The following ADCY9 variants were observed in gnomAD, a reference collection of about 807,000 sequenced individuals.
ADCY9 encodes adenylate cyclase type 9.
Under a neutral mutation model 101.5 loss-of-function variants are expected in ADCY9, and 50 were observed. That is an observed-to-expected ratio of 0.49 (90% CI 0.39 to 0.62). The LOEUF (loss-of-function observed/expected upper bound fraction) is 0.62, where lower values mean the gene tolerates loss of function less well. Ranked by LOEUF, ADCY9 falls within the 20% of genes least tolerant of loss-of-function variation. The probability of loss-of-function intolerance (pLI) is 0.00; values close to 1 mark genes in which losing one functional copy is unlikely to be tolerated. For synonymous variants in ADCY9, 905 were observed against 769.3 expected, an observed-to-expected ratio of 1.18 and a Z score of -2.92; for missense variants, 1,662 against 1,800.4, an observed-to-expected ratio of 0.92 and a Z score of 1.39.
intron 2 of ADCY9, among the ~76,000 whole-genome samples, chr16:4,039,571 C>T (rs759443920): frequency 1.2e-4 from 18 of 150,638 alleles, no homozygotes; most frequent in South Asian, 2.1e-4. Flanking sequence ...CTCAACTACT[C>T]GGGACGCTGA....
chr16:4,087,570 C>G (rs985828428), intron 2 of ADCY9, among the ~76,000 whole-genome samples: 14 of 142,502 alleles, frequency 9.8e-5, no homozygotes, highest in Non-Finnish European at 1.2e-4. Context: ...AAAAGAAGAA[C>G]AACAACAGCT....
In ADCY9 at chr16:3,977,756, G is replaced by A. The variant is rs1362291668; in HGVS notation, c.2680-126C>T. 2.1e-5 allele frequency: 26 copies of A among 1,237,558 alleles called. 1 individual carries two copies. The highest frequency in any genetic ancestry group is 6.1e-5 in the African/African-American group (4 of 65,778). The allele number at this position is 1,237,558 out of a possible 1,614,324, so 76.7% of individuals were successfully genotyped here. A position where few individuals can be genotyped will look rare whatever the true frequency, so the allele number is the denominator to read the frequency against. On this transcript the variant is annotated intron_variant, in intron 8 of 10. Transcript: ENST00000294016. ...TTTTTTGACTGAGTCTCACTCTGTCGCCCAGGCTGGAGTGCAGTGGTGCAA... is the reference window on the plus strand; with the variant it reads ...TTTTTTGACTGAGTCTCACTCTGTCACCCAGGCTGGAGTGCAGTGGTGCAA...
chr16:3,954,035 G>C (rs371833382), intron 5 of ADCY9, among the ~76,000 whole-genome samples: 1 of 152,178 alleles, frequency 6.6e-6, no homozygotes, highest in Non-Finnish European at 1.5e-5. Flanking sequence ...AACTGACTCA[G>C]GATTTCACAG....
At chr16:4,037,923 T>C (rs1183009347) in intron 2 of ADCY9, among the ~76,000 whole-genome samples, 1 of 152,192 alleles carries the variant, frequency 6.6e-6, no homozygotes, top group Non-Finnish European at 1.5e-5. Flanking sequence ...CTATGTGCTA[T>C]GGTCTAAATG....
At chr16:3,998,694 G>A (rs1450878228) in intron 3 of ADCY9, among the ~76,000 whole-genome samples, 2 of 31,628 alleles carry the variant, frequency 6.3e-5, no homozygotes, top group African/African-American at 2.8e-4. Context: ...GGGCAAAAGA[G>A]CAAAACTCTG....
intron 5 of ADCY9, among the ~76,000 whole-genome samples, chr16:3,956,059 C>T (rs566328692): frequency 6.6e-6 from 1 of 151,958 alleles, no homozygotes; most frequent in East Asian, 1.9e-4. Flanking sequence ...GAAAAAATTT[C>T]TACAAGATTT....
chr16:4,079,656 G>C (rs540080052), intron 2 of ADCY9, among the ~76,000 whole-genome samples: 1 of 152,112 alleles, frequency 6.6e-6, no homozygotes. Context: ...GTGTTTAATG[G>C]TGTTAATGGT....
chr16:4,110,451 A>T (rs1239350259), intron 2 of ADCY9, among the ~76,000 whole-genome samples: 1 of 138,752 alleles, frequency 7.2e-6, no homozygotes, highest in Non-Finnish European at 1.5e-5. Flanking sequence ...TGCAGTGGAC[A>T]TGATCACAGC....
Position 3,963,130 on chromosome 16 carries a change from A to ATG in ADCY9, c.*2644_*2645insCA, listed in dbSNP as rs2055953139. On this transcript the variant is annotated 3_prime_UTR_variant, in exon 11 of 11. Transcript: ENST00000294016. ...TATATATATATATATATATATATAT[A>ATG]TATATATATATATGGATATATAATT... The ATG allele has an allele frequency of 1.9e-5, 3 of 155,914 alleles. No homozygotes were observed. The highest frequency in any genetic ancestry group is 8.0e-5 in the African/African-American group (3 of 37,432). 9.7% of individuals were successfully genotyped at this position (155,914 alleles called of 1,614,324 possible).
rs1597236177 is a variant in ADCY9 at position 4,113,840 on chromosome 16, T to C, written c.1603A>G (p.Thr535Ala). Residue 535 changes from threonine (T) to alanine (A), a missense_variant, in exon 2 of 11, where the codon ACC becomes GCC. Around this residue, in one of 5 missense-constraint regions of ADCY9, gnomAD observed 624 missense variants for 639.1 expected, o/e 0.98. Transcript: ENST00000294016. ...VAGKVHISEATAKYLDDRYEM... is the reference protein window; with the variant it reads ...VAGKVHISEAAAKYLDDRYEM... ...TACCGGTCATCTAAGTATTTTGCGG[T>C]GGCCTCAGAAATGTGAACTTTGCCG... 1 of 1,614,202 alleles carries C rather than the reference T, an allele frequency of 6.2e-7. No homozygotes were observed. Among genetic ancestry groups the C allele is most frequent in the Non-Finnish European group, 8.5e-7 (1 of 1,180,036 alleles).
Position 4,115,837 on chromosome 16 carries a change from C to G in ADCY9, c.-191G>C, listed in dbSNP as rs1438252428. 6 of 401,974 alleles carry G rather than the reference C, an allele frequency of 1.5e-5. No individual in the cohort carries two copies. Among genetic ancestry groups the G allele is most frequent in the East Asian group, 3.6e-5 (1 of 28,016 alleles). The allele number at this position is 401,974 out of a possible 1,614,324, so 24.9% of individuals were successfully genotyped here. A position where few individuals can be genotyped will look rare whatever the true frequency, so the allele number is the denominator to read the frequency against. ...CGCTCGCCTCCTCCAGCTGCGGCTC[C>G]GGAGGGAAGTTCAGACCTTGAGCGC... On this transcript the variant is annotated 5_prime_UTR_variant, in exon 1 of 11. Coordinates refer to ENST00000294016, the MANE Select transcript of ADCY9 (RefSeq NM_001116.4). The surrounding 1 kb of genome is among the most constrained non-coding windows in gnomAD (Gnocchi z 6.2).
At position 3,966,055 on chromosome 16, in the gene ADCY9, T is replaced by G; in HGVS notation, c.3782A>C (p.Asp1261Ala). 6.2e-7 allele frequency: 1 copy of G among 1,614,226 alleles called. No homozygotes were observed. Among genetic ancestry groups the G allele is most frequent in the Non-Finnish European group, 8.5e-7 (1 of 1,180,036 alleles). Residue 1261 changes from aspartate (D) to alanine (A), a missense_variant, in exon 11 of 11, where the codon GAC (aspartate) becomes GCC (alanine). By Grantham distance (126) the Asp-to-Ala change is moderately radical. Coordinates refer to ENST00000294016, the MANE Select transcript of ADCY9 (RefSeq NM_001116.4). ...IPQHQLSISP[D>A]IRVQVDGSIG... ...GCTGCCATCCACCTGGACGCGGATGTCTGGGGAGATGGACAGCTGGTGCTG... is the reference window on the plus strand; with the variant it reads ...GCTGCCATCCACCTGGACGCGGATGGCTGGGGAGATGGACAGCTGGTGCTG...
At chr16:3,981,385 A>C (rs1010725828) in intron 7 of ADCY9, among the ~76,000 whole-genome samples, 1 of 151,450 alleles carries the variant, frequency 6.6e-6, no homozygotes, top group East Asian at 1.9e-4. Context: ...ACAGCTACCC[A>C]CATTAGAGGA....
intron 2 of ADCY9, among the ~76,000 whole-genome samples, chr16:4,049,987 C>T (rs1167105451): frequency 2.0e-5 from 3 of 151,250 alleles, no homozygotes; most frequent in African/African-American, 7.3e-5. Context: ...GCCGAGATCA[C>T]ACCACTATAC....
chr16:4,016,060 G>T (rs2283497), intron 2 of ADCY9, among the ~76,000 whole-genome samples: 64,809 of 151,850 alleles, frequency 0.43, 14,153 homozygotes, highest in Admixed American at 0.51. Context: ...AGTTGATTCA[G>T]GTAAACAGGG....
At chr16:4,111,768 T>C (rs1161917408) in intron 2 of ADCY9, among the ~76,000 whole-genome samples, 23 of 150,782 alleles carry the variant, frequency 1.5e-4, no homozygotes, top group Non-Finnish European at 1.5e-5. Flanking sequence ...ATATACAATG[T>C]ACACAAATGT....
At position 4,115,669 on chromosome 16, in the gene ADCY9, C is replaced by A. The variant is rs1233970453; in HGVS notation, c.-44+21G>T. 8.6e-6 allele frequency: 5 copies of A among 578,172 alleles called. No homozygotes were observed. The highest frequency in any genetic ancestry group is 2.7e-5 in the South Asian group (1 of 36,500). The allele number at this position is 578,172 out of a possible 1,614,324, so 35.8% of individuals were successfully genotyped here. Reference sequence around the variant, plus strand: ...CCACCGCCCCCACCTTCGAGGCGCACGAGAACCGCTCGGGACGGACCTAGA... The same window carrying A: ...CCACCGCCCCCACCTTCGAGGCGCAAGAGAACCGCTCGGGACGGACCTAGA... On this transcript the variant is annotated intron_variant, in intron 1 of 10. Transcript: ENST00000294016. The surrounding 1 kb of genome is among the most constrained non-coding windows in gnomAD (Gnocchi z 6.2).
chr16:4,073,459 G>A lies in ADCY9; in HGVS notation c.1693+40291C>T, dbSNP rs564242527. Among the ~76,000 whole-genome samples, 26 of 150,510 alleles carry A rather than the reference G, an allele frequency of 1.7e-4. 1 individual carries two copies. Among genetic ancestry groups the A allele is most frequent in the South Asian group, 1.1e-3 (5 of 4,746 alleles). The stretch of plus-strand genomic sequence containing the variant: ...TGCCCAGACTGGAATGCAATGGCGC[G>A]ATCTCAGCTCACTGCAACCTCCACC... On this transcript the variant is annotated intron_variant, in intron 2 of 10. Coordinates refer to ENST00000294016, the MANE Select transcript of ADCY9 (RefSeq NM_001116.4).
At position 3,989,142 on chromosome 16, in the gene ADCY9, C is replaced by T. The variant is rs562180880; in HGVS notation, c.2208-46G>A. 50 of 1,342,164 alleles carry T rather than the reference C, an allele frequency of 3.7e-5. No individual in the cohort carries two copies. The East Asian group carries it at 7.6e-4, about 20-fold the overall frequency. The allele number at this position is 1,342,164 out of a possible 1,614,324, so 83.1% of individuals were successfully genotyped here. On this transcript the variant is annotated intron_variant, in intron 5 of 10. Transcript: ENST00000294016. Reference sequence around the variant, plus strand: ...AGTCGATCAATACCCAGCACCATAACTGTGCCAATGTTTTCAGATCATAAT... The same window carrying T: ...AGTCGATCAATACCCAGCACCATAATTGTGCCAATGTTTTCAGATCATAAT...
Sources: allele counts gnomAD v4.1 joint callset (sites outside exome capture counted in the v4.1 genomes callset), GRCh38; gene constraint gnomAD v4.1.1; regional missense constraint gnomAD v4.1.1; non-coding constraint Gnocchi (gnomAD v3.1); transcripts MANE v1.5; gene names NCBI Gene and HGNC (gene_info 2026-07-23, HGNC 2026-07-21).